NUDCD1: variants seen among roughly 807,000 people sequenced by gnomAD.
NUDCD1 encodes the protein NudC domain containing 1.
Under a neutral mutation model 67.8 loss-of-function variants are expected in NUDCD1, and 60 were observed. That is an observed-to-expected ratio of 0.88 (90% CI 0.72 to 1.10). The LOEUF (loss-of-function observed/expected upper bound fraction) is 1.10. Ranked by LOEUF, NUDCD1 falls within the 50% of genes least tolerant of loss-of-function variation. The pLI, the probability that NUDCD1 is intolerant of heterozygous loss-of-function variation, is 0.00. For missense variants in NUDCD1, 643 were observed against 695.0 expected (o/e 0.93, Z 0.84); for synonymous variants, 244 against 230.8 (o/e 1.06, Z -0.52).
chr8:109,318,584 G>A (rs1815458697), intron 2 of NUDCD1, among the ~76,000 whole-genome samples: 1 of 151,254 alleles, frequency 6.6e-6, no homozygotes, highest in Non-Finnish European at 1.5e-5. Context: ...GCAAGAAAAA[G>A]CAACTAATAT....
At chr8:109,325,138 G>A (rs926223982) in intron 1 of NUDCD1, among the ~76,000 whole-genome samples, 1 of 151,966 alleles carries the variant, frequency 6.6e-6, no homozygotes, top group African/African-American at 2.4e-5. Flanking sequence ...CATACACGCA[G>A]CTAAAAAAGT....
intron 8 of NUDCD1, among the ~76,000 whole-genome samples, chr8:109,254,158 A>G (rs1813678922): frequency 6.6e-6 from 1 of 152,228 alleles, no homozygotes; most frequent in Non-Finnish European, 1.5e-5. Flanking sequence ...GAAGCAGCCA[A>G]TAGCTTATGA....
chr8:109,326,406 C>T (rs1224240592), intron 1 of NUDCD1, among the ~76,000 whole-genome samples: 2 of 152,122 alleles, frequency 1.3e-5, no homozygotes, highest in African/African-American at 2.4e-5. Context: ...GGCAGAGCAA[C>T]TGAAAGTAGA....
chr8:109,299,805 A>G (rs1442471811), intron 2 of NUDCD1, among the ~76,000 whole-genome samples: 1 of 152,176 alleles, frequency 6.6e-6, no homozygotes, highest in Non-Finnish European at 1.5e-5. Flanking sequence ...CAGCACAAAA[A>G]TAGCGCATTA....
At position 109,333,800 on chromosome 8, in the gene NUDCD1, C is replaced by T. The variant is rs542613545; in HGVS notation, c.118+93G>A. ...CAAGCCGCCACGGTGGCTTCGCTTG[C>T]CAGTCAGAAAGAAAGAAATTGCGGG... On this transcript the variant is annotated intron_variant, in intron 1 of 9. Transcript: ENST00000239690. The T allele has an allele frequency of 2.4e-3, 3,328 of 1,371,384 alleles. 10 individuals are homozygous for T. The highest frequency in any genetic ancestry group is 7.0e-3 in the South Asian group (536 of 76,570). 85.0% of individuals were successfully genotyped at this position (1,371,384 alleles called of 1,614,324 possible).
At chr8:109,312,549 T>C (rs960876467) in intron 2 of NUDCD1, among the ~76,000 whole-genome samples, 4 of 152,226 alleles carry the variant, frequency 2.6e-5, no homozygotes, top group African/African-American at 9.6e-5. Flanking sequence ...CTTACAGGAA[T>C]TTATTCAATA....
chr8:109,269,520 A>G (rs1586264577), intron 8 of NUDCD1, among the ~76,000 whole-genome samples: 1 of 152,204 alleles, frequency 6.6e-6, no homozygotes, highest in African/African-American at 2.4e-5. Context: ...GCCAGAACTC[A>G]GACCTGGTAA....
chr8:109,249,977 C>G, intron 8 of NUDCD1, among the ~76,000 whole-genome samples: 1 of 151,486 alleles, frequency 6.6e-6, no homozygotes, highest in East Asian at 1.9e-4. Context: ...TCCTGAGTAG[C>G]TGGGACGACA....
At chr8:109,267,412 G>A (rs890515035) in intron 8 of NUDCD1, among the ~76,000 whole-genome samples, 6 of 152,164 alleles carry the variant, frequency 3.9e-5, no homozygotes, top group African/African-American at 9.7e-5. Flanking sequence ...TGGTGACATT[G>A]GGGAGAAAAG....
chr8:109,324,809 G>A (rs936147282), intron 1 of NUDCD1, among the ~76,000 whole-genome samples: 13 of 152,194 alleles, frequency 8.5e-5, no homozygotes, highest in Non-Finnish European at 1.5e-4. Flanking sequence ...GCACAAGGCC[G>A]GGCGCCGAGG....
chr8:109,302,784 C>G (rs778330546), intron 2 of NUDCD1, among the ~76,000 whole-genome samples: 2 of 152,134 alleles, frequency 1.3e-5, no homozygotes, highest in Non-Finnish European at 2.9e-5. Context: ...AACCCTCAGA[C>G]GCTTTACCGC....
In NUDCD1 at chr8:109,297,292, T is replaced by C. The variant is rs761679200; in HGVS notation, c.274-723A>G. Among the ~76,000 whole-genome samples the C allele has an allele frequency of 4.6e-5, 7 of 152,218 alleles. No individual in the cohort carries two copies. The South Asian group carries it at 1.4e-3, about 31-fold the overall frequency. ...CGGTATGAAAACACTACATTTAGCC[T>C]ACTATGAATCTAGGTTTTTGTTAAC... On this transcript the variant is annotated intron_variant, in intron 2 of 9. Coordinates refer to ENST00000239690, the MANE Select transcript of NUDCD1 (RefSeq NM_032869.4).
At chr8:109,283,483 T>C (rs1476259902) in intron 5 of NUDCD1, among the ~76,000 whole-genome samples, 4 of 152,084 alleles carry the variant, frequency 2.6e-5, no homozygotes, top group Non-Finnish European at 4.4e-5. Context: ...CCAAGGCATA[T>C]AGCACTAGAC....
intron 2 of NUDCD1, among the ~76,000 whole-genome samples, chr8:109,297,651 G>A (rs574568521): frequency 6.6e-6 from 1 of 152,136 alleles, no homozygotes; most frequent in Admixed American, 6.6e-5. Flanking sequence ...CCAGTACCTG[G>A]ATCTTGGAAT....
At chr8:109,287,065 C>T (rs1242877948) in intron 5 of NUDCD1, among the ~76,000 whole-genome samples, 2 of 151,954 alleles carry the variant, frequency 1.3e-5, no homozygotes, top group African/African-American at 2.4e-5. Flanking sequence ...TTTGCACTTG[C>T]AAATCAAAAC....
intron 8 of NUDCD1, among the ~76,000 whole-genome samples, chr8:109,270,015 A>G (rs2129945745): frequency 7.3e-6 from 1 of 136,876 alleles, no homozygotes; most frequent in South Asian, 2.4e-4. Flanking sequence ...CAGTATCTTA[A>G]TACAAATCTG....
intron 7 of NUDCD1, among the ~76,000 whole-genome samples, chr8:109,271,484 A>G (rs1452962166): frequency 1.3e-5 from 2 of 152,166 alleles, no homozygotes; most frequent in Non-Finnish European, 2.9e-5. Context: ...ACTGCAGGAG[A>G]AAAGACCAGC....
chr8:109,275,191 T>C (rs1161589986), intron 7 of NUDCD1, among the ~76,000 whole-genome samples, 161 bp downstream of exon 7: 1 of 152,134 alleles, frequency 6.6e-6, no homozygotes, highest in African/African-American at 2.4e-5. Flanking sequence ...GAAATAAATA[T>C]TAGAACTTAG....
chr8:109,323,528 T>A (rs939089193), intron 1 of NUDCD1, among the ~76,000 whole-genome samples: 2 of 152,042 alleles, frequency 1.3e-5, no homozygotes, highest in East Asian at 3.8e-4. Context: ...AAATTTTATA[T>A]AATTAAATTG....
Sources: allele counts gnomAD v4.1 joint callset (sites outside exome capture counted in the v4.1 genomes callset), GRCh38; gene constraint gnomAD v4.1.1; transcripts MANE v1.5; gene names NCBI Gene and HGNC (gene_info 2026-07-23, HGNC 2026-07-21).